NDUFA10: variants seen among roughly 807,000 people sequenced by gnomAD.
NDUFA10 encodes the protein NADH:ubiquinone oxidoreductase subunit A10.
Under a neutral mutation model 47.8 loss-of-function variants are expected in NDUFA10, and 40 were observed. The observed-to-expected ratio is 0.84, with a 90% CI of 0.65 to 1.09. NDUFA10 has a LOEUF of 1.09. NDUFA10 is among the 50% of genes least tolerant of loss of function. NDUFA10 has a pLI of 0.00. For synonymous variants in NDUFA10, 183 were observed against 172.2 expected, an observed-to-expected ratio of 1.06 and a Z score of -0.49; for missense variants, 413 against 451.1, an observed-to-expected ratio of 0.92 and a Z score of 0.76.
intron 4 of NDUFA10, among the ~76,000 whole-genome samples, chr2:239,919,993 C>T (rs1246989628): frequency 1.3e-5 from 2 of 152,102 alleles, no homozygotes; most frequent in African/African-American, 4.8e-5. Context: ...ACTGTGTGTG[C>T]CCCAGCACCT....
intron 4 of NDUFA10, among the ~76,000 whole-genome samples, chr2:239,948,176 C>T (rs1255386408): frequency 2.0e-5 from 3 of 152,370 alleles, no homozygotes; most frequent in Non-Finnish European, 2.9e-5. Flanking sequence ...TCCACCAACA[C>T]TTAAGAGCTA....
chr2:239,964,525 G>A (rs114602302), intron 9 of NDUFA10, among the ~76,000 whole-genome samples: 5,555 of 152,264 alleles, frequency 0.036, 124 homozygotes, highest in Middle Eastern at 0.1. Context: ...CTCCTGCCGG[G>A]TGTCTGCTTT....
At chr2:239,981,320 A>C (rs1017581495) in intron 9 of NDUFA10, among the ~76,000 whole-genome samples, 2 of 152,230 alleles carry the variant, frequency 1.3e-5, no homozygotes, top group African/African-American at 4.8e-5. Flanking sequence ...TCAAGAAAAG[A>C]AGCCACCATG....
intron 6 of NDUFA10, among the ~76,000 whole-genome samples, chr2:240,009,511 G>C (rs1490128607): frequency 6.6e-6 from 1 of 152,234 alleles, no homozygotes; most frequent in Non-Finnish European, 1.5e-5. Context: ...ATTCCTATGA[G>C]AGTTAGCTCA....
intron 6 of NDUFA10, among the ~76,000 whole-genome samples, chr2:240,008,887 C>T (rs1014541692): frequency 2.6e-5 from 4 of 152,192 alleles, no homozygotes; most frequent in African/African-American, 7.2e-5. Context: ...CTAACAACCT[C>T]GGCAACAGAC....
chr2:240,006,978 C>G (rs1696972249), intron 7 of NDUFA10, among the ~76,000 whole-genome samples: 1 of 152,240 alleles, frequency 6.6e-6, no homozygotes. Flanking sequence ...ACAAAACACA[C>G]GAATTTAAGG....
At chr2:239,975,940 C>T (rs111870142) in intron 9 of NDUFA10, among the ~76,000 whole-genome samples, 55 of 152,166 alleles carry the variant, frequency 3.6e-4, no homozygotes, top group Non-Finnish European at 7.1e-4. Flanking sequence ...GTCATCTTAA[C>T]CATCACTCCA....
chr2:239,900,579 G>GAAA (rs10566559), intron 4 of NDUFA10, among the ~76,000 whole-genome samples: 101,906 of 148,002 alleles, frequency 0.69, 35,048 homozygotes, highest in East Asian at 0.8. Flanking sequence ...TCTTCCATAG[G>GAAA]AAAAAAAAAA....
intron 4 of NDUFA10, among the ~76,000 whole-genome samples, chr2:239,913,633 C>A (rs553811976): frequency 2.0e-5 from 3 of 152,246 alleles, no homozygotes; most frequent in Non-Finnish European, 4.4e-5. Context: ...TGCATGTATG[C>A]GTCAGGCTCA....
chr2:239,950,384 C>T (rs1352249165), intron 4 of NDUFA10, among the ~76,000 whole-genome samples: 1 of 152,218 alleles, frequency 6.6e-6, no homozygotes, highest in East Asian at 1.9e-4. Flanking sequence ...CGACCCACCA[C>T]CTTCTTTTTC....
intron 9 of NDUFA10, among the ~76,000 whole-genome samples, chr2:239,962,621 T>C (rs972694089): frequency 5.3e-5 from 8 of 152,146 alleles, no homozygotes; most frequent in African/African-American, 1.7e-4. Flanking sequence ...TAGTTCATTC[T>C]TGCACTGCTA....
intron 9 of NDUFA10, among the ~76,000 whole-genome samples, chr2:239,966,722 C>G (rs543020284): frequency 6.6e-6 from 1 of 152,226 alleles, no homozygotes; most frequent in Admixed American, 6.5e-5. Flanking sequence ...GCTACCCTCT[C>G]CCCCACCAAC....
chr2:239,936,684 G>A (rs1694271642), intron 4 of NDUFA10, among the ~76,000 whole-genome samples: 1 of 152,240 alleles, frequency 6.6e-6, no homozygotes, highest in Non-Finnish European at 1.5e-5. Context: ...AGGTTGTGGT[G>A]ACTCATGCCT....
rs1323371620 is a variant in NDUFA10, at chr2:239,906,680, C to T, written c.295-11366G>A. 1.3e-5 allele frequency among the ~76,000 whole-genome samples: 2 copies of T among 152,172 alleles called. No individual in the cohort carries two copies. Among genetic ancestry groups the T allele is most frequent in the East Asian group, 3.9e-4 (2 of 5,188 alleles). Reference sequence around the variant, plus strand: ...TGCCCTGCACCCAACCCTAAAGGTGCCTCCTCCTTTCTTCTTGATGAAAAG... The same window carrying T: ...TGCCCTGCACCCAACCCTAAAGGTGTCTCCTCCTTTCTTCTTGATGAAAAG... On this transcript the variant is annotated intron_variant, in intron 4 of 5. Transcript: ENST00000419408. This position sits in a 1 kb window ranked among gnomAD's most constrained non-coding sequence, Gnocchi z 4.3.
Position 240,009,842 on chromosome 2 carries a change from C to T in NDUFA10, c.749+1775G>A, listed in dbSNP as rs914616870. ...TGTCTTCTAAGGTCTAACCTAAGAT[C>T]TAACAATAAAAATATTCAGTATTTA... On this transcript the variant is annotated intron_variant, in intron 6 of 9. Coordinates refer to ENST00000252711, the MANE Select transcript of NDUFA10 (RefSeq NM_004544.4). Among the ~76,000 whole-genome samples, 7 of 152,252 alleles carry T rather than the reference C, an allele frequency of 4.6e-5. No homozygotes were observed. The East Asian group carries it at 1.3e-3, about 29-fold the overall frequency.
chr2:239,975,720 C>G (rs1466627671), intron 9 of NDUFA10, among the ~76,000 whole-genome samples: 1 of 152,132 alleles, frequency 6.6e-6, no homozygotes, highest in African/African-American at 2.4e-5. Flanking sequence ...TCCTATTCAG[C>G]CCATGACACT....
chr2:239,952,165 G>A lies in NDUFA10; in HGVS notation c.294+37909C>T, dbSNP rs60935601. 9.7e-3 allele frequency among the ~76,000 whole-genome samples: 1,469 copies of A among 152,180 alleles called. 23 individuals carry two copies. Among genetic ancestry groups the A allele is most frequent in the African/African-American group, 0.034 (1,399 of 41,510 alleles). ...ACAGCCTGGCTGCGTCCTGGAATGG[G>A]GGCTTGGTGGGGCAGACCTGCAAGC... On this transcript the variant is annotated intron_variant, in intron 4 of 5. Coordinates refer to the NDUFA10 transcript ENST00000419408.
intron 4 of NDUFA10, among the ~76,000 whole-genome samples, chr2:239,899,010 TGGAGGGGAGTCATGGAGGGGTGTAAA>T (rs1693465644): frequency 2.0e-5 from 2 of 100,998 alleles, no homozygotes; most frequent in Admixed American, 1.0e-4. Flanking sequence ...AGAGGTGTGA[TGGAGGGGAGTCATGGAGGGGTGTAAA>T]GGAGGGGTGT....
At chr2:239,933,931 C>T (rs142887090) in intron 4 of NDUFA10, among the ~76,000 whole-genome samples, 140 of 152,318 alleles carry the variant, frequency 9.2e-4, no homozygotes, top group Non-Finnish European at 1.5e-3. Context: ...GATCACAGCT[C>T]ATTGCAGCCT....
Sources: gnomAD v4.1 joint callset for allele counts (sites outside exome capture counted in the v4.1 genomes callset) on GRCh38, gnomAD v4.1.1 for gene constraint, Gnocchi (gnomAD v3.1) non-coding constraint, MANE v1.5 for transcripts, NCBI Gene and HGNC (gene_info 2026-07-23, HGNC 2026-07-21) for gene names.